SNTG1: variants seen among roughly 807,000 people sequenced by gnomAD.
SNTG1 encodes gamma-1-syntrophin.
A neutral mutation model predicts 74.7 loss-of-function variants in SNTG1; 39 were observed. The ratio of observed to expected loss-of-function variants is 0.52; its 90% CI spans 0.40 to 0.68. The LOEUF is 0.68. Ranked by LOEUF, SNTG1 falls within the 30% of genes least tolerant of loss-of-function variation. SNTG1 has a pLI of 0.00. For missense variants in SNTG1, 685 were observed against 609.5 expected (o/e 1.12, Z -1.30); for synonymous variants, 254 against 217.1 (o/e 1.17, Z -1.49).
intron 1 of SNTG1, among the ~76,000 whole-genome samples, chr8:50,127,893 C>G (rs1473503498): frequency 6.6e-6 from 1 of 152,108 alleles, no homozygotes; most frequent in Non-Finnish European, 1.5e-5. Flanking sequence ...TCTGAGCAGC[C>G]ACACACCACT....
chr8:50,391,662 G>A (rs1434781606), intron 2 of SNTG1, among the ~76,000 whole-genome samples: 1 of 152,108 alleles, frequency 6.6e-6, no homozygotes, highest in Non-Finnish European at 1.5e-5. Flanking sequence ...GCTCCTCTTT[G>A]TACCTCTGGT....
intron 13 of SNTG1, among the ~76,000 whole-genome samples, chr8:50,600,492 T>G (rs1019646547): frequency 3.9e-5 from 2 of 50,710 alleles, no homozygotes; most frequent in African/African-American, 2.4e-4. Context: ...GGTTTGGTAT[T>G]GGATTCTTCC....
At chr8:50,513,089 G>A (rs544315905) in intron 9 of SNTG1, among the ~76,000 whole-genome samples, 5 of 152,120 alleles carry the variant, frequency 3.3e-5, no homozygotes, top group African/African-American at 1.2e-4. Flanking sequence ...TACAGATGGG[G>A]TTTTGGTGTG....
chr8:50,332,598 T>G (rs2091008080), intron 2 of SNTG1, among the ~76,000 whole-genome samples: 1 of 152,228 alleles, frequency 6.6e-6, no homozygotes, highest in Admixed American at 6.5e-5. Context: ...ATGATCTCCC[T>G]GATGGAATCA....
chr8:50,357,458 TTAAG>T (rs1320933888), intron 2 of SNTG1, among the ~76,000 whole-genome samples: 2 of 152,228 alleles, frequency 1.3e-5, no homozygotes, highest in Non-Finnish European at 2.9e-5. Context: ...CAGTTCCAAA[TTAAG>T]TTCAAAATCA....
intron 2 of SNTG1, among the ~76,000 whole-genome samples, chr8:50,230,683 A>G (rs2132060074): frequency 6.6e-6 from 1 of 151,468 alleles, no homozygotes; most frequent in Non-Finnish European, 1.5e-5. Flanking sequence ...TTGTAGAGAA[A>G]ACAGGATATC....
intron 18 of SNTG1, among the ~76,000 whole-genome samples, chr8:50,767,421 T>C (rs2095616524): frequency 6.6e-6 from 1 of 151,954 alleles, no homozygotes; most frequent in African/African-American, 2.4e-5. Flanking sequence ...ATAAGACTAA[T>C]GTCATAATAC....
At chr8:50,055,436 A>G (rs906139931) in intron 1 of SNTG1, among the ~76,000 whole-genome samples, 1 of 152,138 alleles carries the variant, frequency 6.6e-6, no homozygotes, top group Admixed American at 6.6e-5. Context: ...AATGAACTTT[A>G]AAAAACATGT....
At chr8:49,916,749 T>A (rs1806073020) in intron 1 of SNTG1, among the ~76,000 whole-genome samples, 1 of 152,040 alleles carries the variant, frequency 6.6e-6, no homozygotes, top group African/African-American at 2.4e-5. Context: ...CTCATGCCTA[T>A]AATCCCAACA....
intron 1 of SNTG1, among the ~76,000 whole-genome samples, chr8:50,172,301 C>G (rs1014512074): frequency 1.3e-5 from 2 of 152,126 alleles, no homozygotes; most frequent in African/African-American, 4.8e-5. Flanking sequence ...GTCAATTTCC[C>G]CAAAGTGTGT....
chr8:50,027,082 G>C (rs1817331740), intron 1 of SNTG1, among the ~76,000 whole-genome samples: 1 of 152,106 alleles, frequency 6.6e-6, no homozygotes, highest in Non-Finnish European at 1.5e-5. Flanking sequence ...CACACCATTA[G>C]GGATTGACCA....
intron 2 of SNTG1, among the ~76,000 whole-genome samples, chr8:50,196,489 G>T: frequency 6.6e-6 from 1 of 152,118 alleles, no homozygotes; most frequent in Admixed American, 6.6e-5. Context: ...AGCAAGTGTG[G>T]ATGGTTGAAG....
At chr8:50,422,270 A>AACTAT (rs61696608) in intron 4 of SNTG1, among the ~76,000 whole-genome samples, 2 of 151,582 alleles carry the variant, frequency 1.3e-5, no homozygotes. Context: ...CTATCTATCT[A>AACTAT]CTATCTATCT....
At chr8:50,684,492 C>G (rs980286904) in intron 15 of SNTG1, among the ~76,000 whole-genome samples, 3 of 151,682 alleles carry the variant, frequency 2.0e-5, no homozygotes, top group African/African-American at 7.3e-5. Context: ...CTTTCTGTTT[C>G]AATAATAATG....
intron 1 of SNTG1, among the ~76,000 whole-genome samples, chr8:50,159,576 GTC>G (rs2082353712): frequency 3.3e-5 from 5 of 152,198 alleles, no homozygotes; most frequent in African/African-American, 1.2e-4. Flanking sequence ...CAAAATGTGA[GTC>G]TTTACTATTT....
chr8:50,210,523 G>A (rs2084470048), intron 2 of SNTG1, among the ~76,000 whole-genome samples: 2 of 152,190 alleles, frequency 1.3e-5, no homozygotes, highest in Admixed American at 1.3e-4. Context: ...GACTAACAGT[G>A]GATCTCTCAG....
intron 1 of SNTG1, among the ~76,000 whole-genome samples, chr8:50,103,836 T>C (rs902808618): frequency 3.3e-5 from 5 of 152,228 alleles, no homozygotes; most frequent in African/African-American, 9.6e-5. Context: ...TTTTTGTCTT[T>C]GGTTCTGTTT....
intron 1 of SNTG1, among the ~76,000 whole-genome samples, chr8:50,123,516 C>G (rs1453199170): frequency 7.0e-6 from 1 of 142,336 alleles, no homozygotes; most frequent in Non-Finnish European, 1.6e-5. Flanking sequence ...AACATCTTTA[C>G]ATTAAGAAAG....
At chr8:50,522,901 C>A (rs574768404) in intron 9 of SNTG1, among the ~76,000 whole-genome samples, 1 of 152,192 alleles carries the variant, frequency 6.6e-6, no homozygotes, top group Non-Finnish European at 1.5e-5. Context: ...CTATGAAAGT[C>A]TTAGATGTCA....
Sources: gnomAD v4.1 joint callset for allele counts (sites outside exome capture counted in the v4.1 genomes callset) on GRCh38, gnomAD v4.1.1 for gene constraint, MANE v1.5 for transcripts, NCBI Gene and HGNC (gene_info 2026-07-23, HGNC 2026-07-21) for gene names.